The following BAZ2B variants were observed in gnomAD, a reference collection of about 807,000 sequenced individuals.
BAZ2B encodes the protein bromodomain adjacent to zinc finger domain protein 2B.
Under a neutral mutation model 246.0 loss-of-function variants are expected in BAZ2B, and 91 were observed. The observed-to-expected ratio is 0.37, with a 90% CI of 0.31 to 0.44. BAZ2B has a LOEUF of 0.44. Ranked by LOEUF, BAZ2B falls within the 20% of genes least tolerant of loss-of-function variation. The probability of loss-of-function intolerance (pLI) is 1.00; values close to 1 mark genes in which losing one functional copy is unlikely to be tolerated. For missense variants in BAZ2B, 2,332 were observed against 2,533.7 expected, an observed-to-expected ratio of 0.92 and a Z score of 1.71; for synonymous variants, 855 against 860.0, an observed-to-expected ratio of 0.99 and a Z score of 0.10.
chr2:159,557,297 C>A (rs1034857263), intron 1 of BAZ2B, among the ~76,000 whole-genome samples: 3 of 150,838 alleles, frequency 2.0e-5, no homozygotes, highest in African/African-American at 7.3e-5. Flanking sequence ...TCTCAAGTAC[C>A]TACCTCTGTT....
chr2:159,478,499 T>C (rs1035397501), intron 3 of BAZ2B, 76 bp downstream of exon 3: 4 of 1,436,704 alleles, frequency 2.8e-6, no homozygotes, highest in African/African-American at 2.9e-5. Flanking sequence ...GAATATTTTA[T>C]TCAGTGCTCA....
At chr2:159,386,260 C>T in intron 22 of BAZ2B, 93 bp downstream of exon 22, 1 of 1,291,478 alleles carries the variant, frequency 7.7e-7, no homozygotes, top group Non-Finnish European at 1.0e-6. Flanking sequence ...AAAATTAGAT[C>T]AATCTATATA....
At chr2:159,562,955 T>C (rs2090022936) in intron 1 of BAZ2B, among the ~76,000 whole-genome samples, 3 of 152,116 alleles carry the variant, frequency 2.0e-5, no homozygotes. Flanking sequence ...TCAAGCACCA[T>C]AGCTAAAGAA....
intron 31 of BAZ2B, among the ~76,000 whole-genome samples, chr2:159,344,090 G>A (rs2067291697): frequency 1.3e-5 from 2 of 151,166 alleles, no homozygotes; most frequent in Non-Finnish European, 2.9e-5. Flanking sequence ...ATAGAAAAGG[G>A]AACTCTTACA....
At chr2:159,510,183 T>A (rs1325023467) in intron 2 of BAZ2B, among the ~76,000 whole-genome samples, 1 of 152,126 alleles carries the variant, frequency 6.6e-6, no homozygotes, top group East Asian at 1.9e-4. Context: ...TGCTTTTTTT[T>A]ATTTTTAAAT....
intron 2 of BAZ2B, among the ~76,000 whole-genome samples, chr2:159,515,469 GT>G (rs888551202): frequency 1.4e-4 from 21 of 152,068 alleles, no homozygotes; most frequent in Admixed American, 1.2e-3. Context: ...ATGTAATGGT[GT>G]TTCTTTTAAA....
intron 2 of BAZ2B, among the ~76,000 whole-genome samples, chr2:159,490,578 G>A (rs554914669): frequency 6.6e-6 from 1 of 151,110 alleles, no homozygotes; most frequent in South Asian, 2.1e-4. Context: ...GTGCAGTGGC[G>A]TGATCACAGC....
At chr2:159,550,536 GA>G (rs1256088273) in intron 2 of BAZ2B, among the ~76,000 whole-genome samples, 1 of 152,132 alleles carries the variant, frequency 6.6e-6, no homozygotes, top group Non-Finnish European at 1.5e-5. Context: ...AGCTGCAAGG[GA>G]GACTGGGGAA....
rs375112980 is a variant in BAZ2B, at chr2:159,514,041, C to T, written c.-2-35320G>A. 2.6e-5 allele frequency among the ~76,000 whole-genome samples: 4 copies of T among 152,144 alleles called. No homozygotes were observed. In the South Asian group the frequency reaches 6.2e-4, roughly 24 times the overall value. On this transcript the variant is annotated intron_variant, in intron 2 of 36. Coordinates refer to ENST00000392783, the MANE Select transcript of BAZ2B (RefSeq NM_013450.4). ...ATAGCTAACTTCCTTAATCTTTCCT[C>T]AACATCATCTTTTTTGTGAATCCTT...
chr2:159,498,648 GT>G (rs1292343729), intron 2 of BAZ2B, among the ~76,000 whole-genome samples: 1 of 152,050 alleles, frequency 6.6e-6, no homozygotes, highest in African/African-American at 2.4e-5. Context: ...TAGGGACCAA[GT>G]TTTCTCCTTT....
intron 2 of BAZ2B, among the ~76,000 whole-genome samples, chr2:159,525,276 T>A (rs912828619): frequency 6.6e-6 from 1 of 152,134 alleles, no homozygotes; most frequent in Admixed American, 6.5e-5. Flanking sequence ...ACTGGATATA[T>A]TCTGAGAATA....
chr2:159,703,520 AG>A, the BAZ2B span, among the ~76,000 whole-genome samples: 7 of 152,166 alleles, frequency 4.6e-5, no homozygotes, highest in Non-Finnish European at 8.8e-5. Context: ...CCACAAATGT[AG>A]TCAAAATTAA....
chr2:159,632,064 A>C, the BAZ2B span, among the ~76,000 whole-genome samples: 1 of 152,242 alleles, frequency 6.6e-6, no homozygotes, highest in East Asian at 1.9e-4. Flanking sequence ...CATTCTCCTT[A>C]TCTGGTAAGT....
intron 3 of BAZ2B, chr2:159,462,956 G>T: frequency 9.4e-7 from 1 of 1,064,098 alleles, no homozygotes; most frequent in Non-Finnish European, 1.5e-6. Context: ...TTTTCTATAA[G>T]TGATCAAATG....
chr2:159,446,979 G>A lies in BAZ2B; in HGVS notation c.503-4C>T. 2 of 1,526,768 alleles carry A rather than the reference G, an allele frequency of 1.3e-6. No homozygotes were observed. Among genetic ancestry groups the A allele is most frequent in the African/African-American group, 1.4e-5 (1 of 71,622 alleles). The allele number at this position is 1,526,768 out of a possible 1,614,324, so 94.6% of individuals were successfully genotyped here. A position where few individuals can be genotyped will look rare whatever the true frequency, so the allele number is the denominator to read the frequency against. Reference sequence around the variant, plus strand: ...CCATTTATTGACCCATTTACACCTTGAAAATAAAAATAAACATGTTTATAC... The same window carrying A: ...CCATTTATTGACCCATTTACACCTTAAAAATAAAAATAAACATGTTTATAC... On this transcript the variant is annotated splice_region_variant and splice_polypyrimidine_tract_variant and intron_variant, in intron 5 of 36. Coordinates refer to ENST00000392783, the MANE Select transcript of BAZ2B (RefSeq NM_013450.4).
At chr2:159,499,901 G>A (rs942348224) in intron 2 of BAZ2B, among the ~76,000 whole-genome samples, 3 of 152,092 alleles carry the variant, frequency 2.0e-5, no homozygotes, top group African/African-American at 7.2e-5. Context: ...TAAGTTCCTT[G>A]TAGACTCTGG....
rs1020727388 is a variant in BAZ2B at position 159,374,769 on chromosome 2, T to C, written c.4006-16A>G. 2.5e-6 allele frequency: 4 copies of C among 1,601,182 alleles called. No homozygotes were observed. The African/African-American group carries it at 4.0e-5, about 16-fold the overall frequency. ...CACCTTCATCCTATACATAAGAAAA[T>C]ACAGTGTCATTTATCTGTTTTAAGA... On this transcript the variant is annotated splice_polypyrimidine_tract_variant and intron_variant, in intron 25 of 36. Coordinates refer to ENST00000392783, the MANE Select transcript of BAZ2B (RefSeq NM_013450.4).
At chr2:159,420,200 T>C (rs1459186497) in intron 13 of BAZ2B, among the ~76,000 whole-genome samples, 1 of 152,204 alleles carries the variant, frequency 6.6e-6, no homozygotes, top group Admixed American at 6.5e-5. Flanking sequence ...TACTGAAAGG[T>C]GTGTTCACAA....
At chr2:159,429,333 T>A in intron 10 of BAZ2B, 73 bp from the exon 11 acceptor site, 3 of 933,510 alleles carry the variant, frequency 3.2e-6, no homozygotes, top group South Asian at 4.9e-5. Context: ...TTTAGAAACT[T>A]TTCTTTAAAA....
Sources: allele counts gnomAD v4.1 joint callset (sites outside exome capture counted in the v4.1 genomes callset), GRCh38; gene constraint gnomAD v4.1.1; transcripts MANE v1.5; gene names NCBI Gene and HGNC (gene_info 2026-07-23, HGNC 2026-07-21).